UGT1A7: variants seen among roughly 807,000 people sequenced by gnomAD.
UGT1A7 encodes the protein UDP-glucuronosyltransferase 1A7.
UGT1A7 carries 33 observed loss-of-function variants against 45.6 expected under a neutral mutation model. The ratio of observed to expected loss-of-function variants is 0.72; its 90% CI spans 0.55 to 0.97. The LOEUF is 0.97. UGT1A7 is among the 50% of genes least tolerant of loss of function. The pLI is 0.00. For synonymous variants in UGT1A7, 274 were observed against 250.6 expected, an observed-to-expected ratio of 1.09 and a Z score of -0.88; for missense variants, 684 against 666.2, an observed-to-expected ratio of 1.03 and a Z score of -0.29.
intron 1 of UGT1A7, among the ~76,000 whole-genome samples, chr2:233,726,425 CTCTTAA>C (rs2077531694): frequency 6.6e-6 from 1 of 152,204 alleles, no homozygotes; most frequent in Non-Finnish European, 1.5e-5. Context: ...ATTCTGTCCA[CTCTTAA>C]TCTTATTCTT....
At chr2:233,761,013 G>A in intron 1 of UGT1A7, 1 of 1,614,176 alleles carries the variant, frequency 6.2e-7, no homozygotes, top group Non-Finnish European at 8.5e-7. Flanking sequence ...AGAGAGAGGT[G>A]ACTGTCCAGG....
rs1247902787 is a variant in UGT1A7 at position 233,740,991 on chromosome 2, GAGGA to G, written c.856-26038_856-26035del. The G allele has an allele frequency of 1.6e-4, 25 of 151,764 alleles. 2 individuals are homozygous for G. Among genetic ancestry groups the G allele is most frequent in the African/African-American group, 6.1e-4 (25 of 41,070 alleles). 9.4% of individuals were successfully genotyped at this position (151,764 alleles called of 1,614,324 possible). A position where few individuals can be genotyped will look rare whatever the true frequency, so the allele number is the denominator to read the frequency against. ...AGTCCTAGCTACTGGGAATGCTGAGGAGGAAGGATCACTTGAGCCCAGGAATTCG... is the reference window on the plus strand; with the variant it reads ...AGTCCTAGCTACTGGGAATGCTGAGGAGGATCACTTGAGCCCAGGAATTCG... On this transcript the variant is annotated intron_variant, in intron 1 of 4. Coordinates refer to ENST00000373426, the MANE Select transcript of UGT1A7 (RefSeq NM_019077.3).
intron 1 of UGT1A7, among the ~76,000 whole-genome samples, chr2:233,704,631 AC>A (rs375388019): frequency 5.3e-5 from 8 of 152,238 alleles, no homozygotes; most frequent in Middle Eastern, 3.4e-3. Flanking sequence ...TGTTATATTA[AC>A]CTTTTTGCTT....
intron 1 of UGT1A7, chr2:233,719,286 C>G (rs1465114425): frequency 6.2e-7 from 1 of 1,613,964 alleles, no homozygotes; most frequent in African/African-American, 1.3e-5. Flanking sequence ...CCCCGTTAAC[C>G]TCTGTGGGGC....
At chr2:233,708,925 C>A (rs2076048288) in intron 1 of UGT1A7, among the ~76,000 whole-genome samples, 3 of 152,110 alleles carry the variant, frequency 2.0e-5, no homozygotes, top group Admixed American at 2.0e-4. Context: ...TGCTACAGAG[C>A]CAAACTATGT....
At chr2:233,706,111 T>C (rs2075890195) in intron 1 of UGT1A7, among the ~76,000 whole-genome samples, 1 of 151,910 alleles carries the variant, frequency 6.6e-6, no homozygotes, top group African/African-American at 2.4e-5. Flanking sequence ...AAACCAAGAA[T>C]TTCAGGACAC....
intron 1 of UGT1A7, among the ~76,000 whole-genome samples, chr2:233,765,979 G>A (rs1451312439): frequency 1.3e-5 from 2 of 152,138 alleles, no homozygotes; most frequent in Non-Finnish European, 2.9e-5. Flanking sequence ...GATGTTTACA[G>A]CTCCTGAAGC....
chr2:233,693,741 T>C, intron 1 of UGT1A7: 1 of 1,614,246 alleles, frequency 6.2e-7, no homozygotes, highest in Non-Finnish European at 8.5e-7. Flanking sequence ...ATAATCACCT[T>C]ATATCAGAAG....
At chr2:233,717,703 G>A in intron 1 of UGT1A7, 1 of 450,788 alleles carries the variant, frequency 2.2e-6, no homozygotes. Context: ...TCTGGAGCAG[G>A]ACGAGCCTCA....
At chr2:233,768,072 G>T in intron 3 of UGT1A7, 136 bp downstream of exon 3, 2 of 1,594,474 alleles carry the variant, frequency 1.3e-6, no homozygotes, top group South Asian at 2.2e-5. Context: ...TTATCTAGTG[G>T]GGTATCTCAA....
chr2:233,699,013 G>A (rs541492586), intron 1 of UGT1A7, among the ~76,000 whole-genome samples: 2 of 152,354 alleles, frequency 1.3e-5, no homozygotes, highest in South Asian at 4.1e-4. Flanking sequence ...GAACATGAGA[G>A]GCTGAGCCAC....
intron 1 of UGT1A7, among the ~76,000 whole-genome samples, chr2:233,718,559 T>C (rs2076663829): frequency 6.6e-6 from 1 of 152,220 alleles, no homozygotes; most frequent in South Asian, 2.1e-4. Flanking sequence ...AAAGAAGAGC[T>C]TGAACTTGGA....
intron 1 of UGT1A7, chr2:233,721,510 A>T (rs186702704): frequency 1.1e-3 from 179 of 168,498 alleles, no homozygotes; most frequent in African/African-American, 4.2e-3. Context: ...CATTTATTTT[A>T]TGCTGAATTT....
intron 1 of UGT1A7, among the ~76,000 whole-genome samples, chr2:233,762,105 C>G (rs879435361): frequency 5.9e-5 from 9 of 151,972 alleles, no homozygotes; most frequent in African/African-American, 2.2e-4. Context: ...GTTGATTGTC[C>G]GCTTCACATC....
chr2:233,712,804 C>T (rs2076256018), intron 1 of UGT1A7, among the ~76,000 whole-genome samples: 1 of 152,204 alleles, frequency 6.6e-6, no homozygotes, highest in Non-Finnish European at 1.5e-5. Context: ...CGGTCTTTCC[C>T]AGGGTGGGGC....
chr2:233,760,042 T>C (rs1697309671), intron 1 of UGT1A7, among the ~76,000 whole-genome samples: 1 of 152,232 alleles, frequency 6.6e-6, no homozygotes, highest in African/African-American at 2.4e-5. Context: ...TACTTTGCTG[T>C]GTTCACTCAA....
chr2:233,736,579 A>C (rs2078778332), intron 1 of UGT1A7, among the ~76,000 whole-genome samples: 2 of 152,120 alleles, frequency 1.3e-5, no homozygotes. Flanking sequence ...GATCCTTTGG[A>C]GGAGATGTGC....
chr2:233,695,081 C>T (rs188923779), intron 1 of UGT1A7, among the ~76,000 whole-genome samples: 1 of 151,880 alleles, frequency 6.6e-6, no homozygotes, highest in Non-Finnish European at 1.5e-5. Context: ...TGGACTTACT[C>T]ATTCTATCTA....
chr2:233,694,538 T>G (rs530909274), intron 1 of UGT1A7, among the ~76,000 whole-genome samples: 1 of 152,310 alleles, frequency 6.6e-6, no homozygotes, highest in South Asian at 2.1e-4. Context: ...CAGAGTTACT[T>G]TGGAAAATAA....
Sources: gnomAD v4.1 joint callset for allele counts (sites outside exome capture counted in the v4.1 genomes callset) on GRCh38, gnomAD v4.1.1 for gene constraint, MANE v1.5 for transcripts, NCBI Gene and HGNC (gene_info 2026-07-23, HGNC 2026-07-21) for gene names.